DMD: variants seen among roughly 807,000 people sequenced by gnomAD.
DMD encodes mutant dystrophin.
In DMD, 63 loss-of-function variants were observed where a neutral mutation model predicts 330.1. The observed-to-expected ratio is 0.19, with a 90% CI of 0.16 to 0.24. The LOEUF (loss-of-function observed/expected upper bound fraction) is 0.24. Ranked by LOEUF, DMD falls within the 10% of genes least tolerant of loss-of-function variation. The probability of loss-of-function intolerance (pLI) is 1.00; values close to 1 mark genes in which losing one functional copy is unlikely to be tolerated. For synonymous variants in DMD, 1,223 were observed against 959.8 expected (o/e 1.27, Z -5.07); for missense variants, 3,344 against 2,684.1 (o/e 1.25, Z -5.43).
intron 44 of DMD, among the ~76,000 whole-genome samples, chrX:31,985,873 G>A (rs750973326): frequency 8.9e-6 from 1 of 112,065 alleles, no homozygotes; most frequent in South Asian, 3.8e-4. Context: ...TGTAACTTTA[G>A]ATAAAGTGAC....
intron 1 of DMD, among the ~76,000 whole-genome samples, chrX:33,163,474 T>G (rs2048872734): frequency 9.3e-6 from 1 of 108,064 alleles, no homozygotes; most frequent in Non-Finnish European, 1.9e-5. Context: ...AGGCGGAGGT[T>G]GCAGTGAGCC....
chrX:31,179,045 T>C (rs2040863835), intron 69 of DMD, among the ~76,000 whole-genome samples: 1 of 111,898 alleles, frequency 8.9e-6, no homozygotes, highest in Non-Finnish European at 1.9e-5. Context: ...CAACAACACC[T>C]CAACACGTTG....
intron 63 of DMD, among the ~76,000 whole-genome samples, chrX:31,250,975 G>A (rs139125181): frequency 0.013 from 1,454 of 109,130 alleles, 19 homozygotes; most frequent in African/African-American, 0.046. Context: ...CCAGCTACTC[G>A]GGAGGCTGAG....
chrX:31,714,715 C>T (rs1436274026), intron 52 of DMD, among the ~76,000 whole-genome samples: 2 of 110,918 alleles, frequency 1.8e-5, no homozygotes, highest in African/African-American at 3.3e-5. Flanking sequence ...AGCTTGTTGA[C>T]GTATATATTT....
At chrX:31,894,448 A>G (rs1466118627) in intron 47 of DMD, among the ~76,000 whole-genome samples, 1 of 111,805 alleles carries the variant, frequency 8.9e-6, no homozygotes, top group East Asian at 2.8e-4. Context: ...TCTGGTTTCC[A>G]GGAGAGAGCT....
chrX:31,735,771 T>C (rs1329392644), intron 51 of DMD, among the ~76,000 whole-genome samples: 1 of 111,295 alleles, frequency 9.0e-6, no homozygotes, highest in African/African-American at 3.3e-5. Context: ...AACCACTAGG[T>C]TTGCTGCAAG....
chrX:32,085,647 T>TACATATATACGTATATATATACGC (rs1557121542), intron 44 of DMD, among the ~76,000 whole-genome samples: 302 of 90,189 alleles, frequency 3.3e-3, no homozygotes, highest in Middle Eastern at 0.012. Context: ...TACGTATATA[T>TACATATATACGTATATATATACGC]ATGTGTGTAT....
chrX:31,294,733 GAGA>G (rs1484702300), intron 62 of DMD, among the ~76,000 whole-genome samples: 3 of 111,935 alleles, frequency 2.7e-5, no homozygotes, highest in African/African-American at 9.8e-5. Flanking sequence ...ACAGTTTTGG[GAGA>G]AGGAGATCCA....
At chrX:31,988,500 A>AG (rs2095527117) in intron 44 of DMD, among the ~76,000 whole-genome samples, 1 of 96,477 alleles carries the variant, frequency 1.0e-5, no homozygotes, top group Admixed American at 1.1e-4. Flanking sequence ...AAAAAAAAAA[A>AG]GGAAAAGAAA....
At position 32,699,822 on chromosome X, in the gene DMD, A is replaced by C. The variant is rs188641469; in HGVS notation, c.650-529T>G. 1.3e-4 allele frequency among the ~76,000 whole-genome samples: 15 copies of C among 111,856 alleles called. No homozygotes were observed. The Admixed American group carries it at 1.4e-3, about 11-fold the overall frequency. On this transcript the variant is annotated intron_variant, in intron 7 of 78. Transcript: ENST00000357033. ...AAATGAGTCATGTATCCACAATATA[A>C]ATTAAACAGAAAAATACCATATAAT...
chrX:31,800,209 T>C (rs760392459), intron 50 of DMD, among the ~76,000 whole-genome samples: 1 of 112,834 alleles, frequency 8.9e-6, no homozygotes, highest in Non-Finnish European at 1.9e-5. Context: ...TTCTGCACTG[T>C]CCCAGCAGAG....
intron 50 of DMD, among the ~76,000 whole-genome samples, chrX:31,791,794 C>A (rs1450324102): frequency 9.0e-6 from 1 of 111,616 alleles, no homozygotes; most frequent in Non-Finnish European, 1.9e-5. Context: ...CTCTAGTTAA[C>A]CCATACAGTC....
intron 20 of DMD, among the ~76,000 whole-genome samples, chrX:32,485,478 T>TA (rs1276463456): frequency 9.0e-6 from 1 of 110,699 alleles, no homozygotes; most frequent in Admixed American, 9.7e-5. Flanking sequence ...CTTCAAATTT[T>TA]AAGCTCACTC....
intron 61 of DMD, among the ~76,000 whole-genome samples, chrX:31,328,770 C>T (rs1183331225): frequency 1.2e-4 from 13 of 112,080 alleles, no homozygotes; most frequent in South Asian, 3.7e-4. Flanking sequence ...AAATGTTAAT[C>T]ACCACACAAA....
intron 57 of DMD, among the ~76,000 whole-genome samples, chrX:31,489,281 C>T (rs948153932): frequency 8.9e-6 from 1 of 111,962 alleles, no homozygotes; most frequent in East Asian, 2.8e-4. Flanking sequence ...GCTGGGACTA[C>T]AGGCACGTGT....
chrX:32,143,344 T>A (rs1013947188), intron 44 of DMD, among the ~76,000 whole-genome samples: 1 of 110,900 alleles, frequency 9.0e-6, no homozygotes, highest in African/African-American at 3.3e-5. Flanking sequence ...TTAAAAAAAA[T>A]CTGCAGATAA....
At position 31,951,880 on chromosome X, in the gene DMD, T is replaced by C. The variant is rs188484795; in HGVS notation, c.6614+16459A>G. ...TGAATGACTTTATTTAGTTTTTTCT[T>C]GTAAGTCAGGTCAGCTAGCAAGAAA... On this transcript the variant is annotated intron_variant, in intron 45 of 78. Coordinates refer to ENST00000357033, the MANE Select transcript of DMD (RefSeq NM_004006.3). 2.4e-3 allele frequency among the ~76,000 whole-genome samples: 273 copies of C among 111,793 alleles called. 2 individuals carry two copies. The highest frequency in any genetic ancestry group is 7.4e-3 in the African/African-American group (228 of 30,912).
intron 50 of DMD, among the ~76,000 whole-genome samples, chrX:31,815,157 A>G (rs1347379322): frequency 8.9e-6 from 1 of 112,189 alleles, no homozygotes; most frequent in African/African-American, 3.2e-5. Context: ...CTTTTCAGAG[A>G]TGCAAGTCTT....
chrX:31,163,049 G>A (rs1184643638), intron 74 of DMD, among the ~76,000 whole-genome samples: 1 of 111,886 alleles, frequency 8.9e-6, no homozygotes. Context: ...AAAGGTCTTG[G>A]CTTTCTGATT....
Sources: allele counts gnomAD v4.1 joint callset (sites outside exome capture counted in the v4.1 genomes callset), GRCh38; gene constraint gnomAD v4.1.1; transcripts MANE v1.5; gene names NCBI Gene and HGNC (gene_info 2026-07-23, HGNC 2026-07-21).